OR11H4: variants seen among roughly 807,000 people sequenced by gnomAD.
OR11H4 encodes the protein olfactory receptor family 11 subfamily H member 4, also known as olfactory receptor 11H4.
For missense variants in OR11H4, 460 were observed against 371.1 expected, an observed-to-expected ratio of 1.24 and a Z score of -1.97; for synonymous variants, 162 against 142.3, an observed-to-expected ratio of 1.14 and a Z score of -0.98.
rs1270254882 is a variant in OR11H4, at chr14:20,243,768, C to T, written c.*2C>T. 8 of 1,566,582 alleles carry T rather than the reference C, an allele frequency of 5.1e-6. No individual in the cohort carries two copies. Among genetic ancestry groups the T allele is most frequent in the Non-Finnish European group, 6.9e-6 (8 of 1,157,632 alleles). On this transcript the variant is annotated 3_prime_UTR_variant, in exon 2 of 2. Coordinates refer to ENST00000641082, the MANE Select transcript of OR11H4 (RefSeq NM_001004479.2). ...ATGAGAATTCGTCAAAATTCGTGAG[C>T]CAAAGATGTGCCATACTTACAAGTT...
At chr14:20,239,863 G>A (rs1276861166) in intron 1 of OR11H4, among the ~76,000 whole-genome samples, 1 of 152,052 alleles carries the variant, frequency 6.6e-6, no homozygotes, top group Non-Finnish European at 1.5e-5. Flanking sequence ...TTTGGAGGGT[G>A]GTGTTATATA....
rs1880998542 is a variant in OR11H4 at position 20,243,760 on chromosome 14, T to C, written c.939T>C (p.Asn313=). The change falls in exon 2 of 2, where the codon AAT becomes AAC. Residue 313 remains asparagine (N), a synonymous_variant. Transcript: ENST00000641082. Reference sequence around the variant, plus strand: ...TGTTTGGAATGAGAATTCGTCAAAATTCGTGAGCCAAAGATGTGCCATACT... The same window carrying C: ...TGTTTGGAATGAGAATTCGTCAAAACTCGTGAGCCAAAGATGTGCCATACT... ...NVLFGMRIRQ[N]S 1 of 1,572,152 alleles carries C rather than the reference T, an allele frequency of 6.4e-7. No homozygotes were observed. Among genetic ancestry groups the C allele is most frequent in the African/African-American group, 1.4e-5 (1 of 73,476 alleles).
rs1168675619 is a variant in OR11H4 at position 20,240,621 on chromosome 14, A to G, written c.-12+1290A>G. On this transcript the variant is annotated intron_variant, in intron 1 of 1. Transcript: ENST00000641082. Reference sequence around the variant, plus strand: ...GAGGTGGAGTCTCGCTCTGTCACCCAGGCTGGAGTGCAATGGTGTGATCTC... The same window carrying G: ...GAGGTGGAGTCTCGCTCTGTCACCCGGGCTGGAGTGCAATGGTGTGATCTC... 3.4e-5 allele frequency among the ~76,000 whole-genome samples: 5 copies of G among 146,676 alleles called. No homozygotes were observed. In the South Asian group the frequency reaches 6.5e-4, roughly 19 times the overall value.
Position 20,243,002 on chromosome 14 carries a change from T to C in OR11H4, c.181T>C (p.Phe61Leu), listed in dbSNP as rs1483199124. 1 of 1,614,028 alleles carries C rather than the reference T, an allele frequency of 6.2e-7. No individual in the cohort carries two copies. The highest frequency in any genetic ancestry group is 8.5e-7 in the Non-Finnish European group (1 of 1,180,042). The change falls in exon 2 of 2, where the codon TTT becomes CTT. Residue 61 changes from phenylalanine to leucine, a missense_variant. By Grantham distance (22) the Phe-to-Leu change is conservative (BLOSUM62 0). Coordinates refer to ENST00000641082, the MANE Select transcript of OR11H4 (RefSeq NM_001004479.2). ...CNPLLHTPMYFLLGNFAFLEI... is the reference protein window; with the variant it reads ...CNPLLHTPMYLLLGNFAFLEI... ...CCCACTACTACACACCCCCATGTAC[T>C]TTCTGCTGGGAAATTTTGCCTTCCT...
chr14:20,242,898 T>C lies in OR11H4; in HGVS notation c.77T>C (p.Phe26Ser). 1 of 1,614,160 alleles carries C rather than the reference T, an allele frequency of 6.2e-7. No individual in the cohort carries two copies. Among genetic ancestry groups the C allele is most frequent in the South Asian group, 1.1e-5 (1 of 91,070 alleles). ...CCTGGTTGCTGGAAGATTCAGATTT[T>C]CCTCTTCTCATTGTTTTTGGTGATT... ...GFPGCWKIQI[F>S]LFSLFLVIYV... Residue 26 changes from phenylalanine to serine, a missense_variant, in exon 2 of 2, where the codon TTC (phenylalanine) becomes TCC (serine). By Grantham distance (155) the Phe-to-Ser change is radical (BLOSUM62 -2). Transcript: ENST00000641082.
chr14:20,242,751 C>A, intron 1 of OR11H4, 60 bp from the exon 2 acceptor site: 2 of 1,565,302 alleles, frequency 1.3e-6, no homozygotes, highest in Non-Finnish European at 1.7e-6. Flanking sequence ...AGATACGTAG[C>A]AAGCAATTGG....
intron 1 of OR11H4, among the ~76,000 whole-genome samples, chr14:20,240,501 A>T (rs1002980257): frequency 5.3e-5 from 8 of 152,058 alleles, no homozygotes; most frequent in African/African-American, 1.9e-4. Flanking sequence ...CATTTCTGAC[A>T]AAGTTATGAC....
intron 1 of OR11H4, among the ~76,000 whole-genome samples, chr14:20,240,849 T>G (rs1566370255): frequency 6.6e-6 from 1 of 152,136 alleles, no homozygotes; most frequent in Admixed American, 6.5e-5. Flanking sequence ...TTGCTGGAAC[T>G]ATAGGCATAA....
rs138285513 is a variant in OR11H4, at chr14:20,243,074, A to G, written c.253A>G (p.Ile85Val). The G allele has an allele frequency of 6.8e-6, 11 of 1,614,000 alleles. No homozygotes were observed. Among genetic ancestry groups the G allele is most frequent in the Non-Finnish European group, 9.3e-6 (11 of 1,180,032 alleles). Reference protein sequence around the residue: ...SSTIPNMLVNILSKTKAISFS... With the variant: ...SSTIPNMLVNVLSKTKAISFS... ...CACTATTCCTAACATGCTAGTCAACATTCTCTCCAAGACCAAGGCCATCTC... is the reference window on the plus strand; with the variant it reads ...CACTATTCCTAACATGCTAGTCAACGTTCTCTCCAAGACCAAGGCCATCTC... The change falls in exon 2 of 2, where the codon ATT (isoleucine) becomes GTT (valine). Residue 85 changes from isoleucine (I) to valine (V), a missense_variant. Physicochemically the swap from Ile to Val is conservative, Grantham distance 29. Transcript: ENST00000641082.
In OR11H4 at chr14:20,243,871, A is replaced by G; in HGVS notation, c.*105A>G. The G allele has an allele frequency of 1.7e-6, 2 of 1,159,306 alleles. No individual in the cohort carries two copies. The highest frequency in any genetic ancestry group is 3.1e-5 in the African/African-American group (2 of 65,004). 71.8% of individuals were successfully genotyped at this position (1,159,306 alleles called of 1,614,324 possible). ...CTCAGTCTGAGTAGTTAGAGGTTGT[A>G]TATTTTACCTGGAAGTGTGCCCAGC... On this transcript the variant is annotated 3_prime_UTR_variant, in exon 2 of 2. Coordinates refer to ENST00000641082, the MANE Select transcript of OR11H4 (RefSeq NM_001004479.2).
Position 20,242,795 on chromosome 14 carries a change from T to A in OR11H4, c.-11-16T>A. 6.2e-7 allele frequency: 1 copy of A among 1,610,456 alleles called. No individual in the cohort carries two copies. Among genetic ancestry groups the A allele is most frequent in the South Asian group, 1.1e-5 (1 of 90,394 alleles). On this transcript the variant is annotated splice_polypyrimidine_tract_variant and intron_variant, in intron 1 of 1. Transcript: ENST00000641082. Reference sequence around the variant, plus strand: ...CCAAGAGACTTGGATTACACTCATGTCTTTCTTCTTTGTAGACTTAAGACC... The same window carrying A: ...CCAAGAGACTTGGATTACACTCATGACTTTCTTCTTTGTAGACTTAAGACC...
Position 20,243,580 on chromosome 14 carries a change from G to C in OR11H4, c.759G>C (p.Gly253=). ...SHLVVVSLFY[G]TVMVMYVSPT... is the part of the protein sequence containing the mutation. ...TGGTTGTGGTATCTCTTTTCTATGG[G>C]ACAGTCATGGTAATGTATGTAAGTC... Residue 253 remains glycine, a synonymous_variant, in exon 2 of 2, where the codon GGG becomes GGC. Transcript: ENST00000641082. The C allele has an allele frequency of 6.2e-7, 1 of 1,613,734 alleles. No individual in the cohort carries two copies. Among genetic ancestry groups the C allele is most frequent in the Non-Finnish European group, 8.5e-7 (1 of 1,179,846 alleles).
rs149944451 is a variant in OR11H4, at chr14:20,242,737, C to A, written c.-11-74C>A. The A allele has an allele frequency of 5.4e-3, 8,355 of 1,538,618 alleles. 71 individuals are homozygous for A. Among genetic ancestry groups the A allele is most frequent in the South Asian group, 0.027 (2,125 of 79,794 alleles). On this transcript the variant is annotated intron_variant, in intron 1 of 1. Coordinates refer to ENST00000641082, the MANE Select transcript of OR11H4 (RefSeq NM_001004479.2). The stretch of plus-strand genomic sequence containing the variant: ...CTCAAGTTCTCGTCTCAGTAAAATC[C>A]TTGAGATACGTAGCAAGCAATTGGA...
intron 1 of OR11H4, among the ~76,000 whole-genome samples, chr14:20,242,262 C>T (rs1880949676): frequency 1.3e-5 from 2 of 152,136 alleles, no homozygotes; most frequent in African/African-American, 4.8e-5. Context: ...CAGCTTTCCA[C>T]AGTGCATTGT....
rs779133234 is a variant in OR11H4 at position 20,243,127 on chromosome 14, T to A, written c.306T>A (p.Tyr102Ter). 1 of 1,614,168 alleles carries A rather than the reference T, an allele frequency of 6.2e-7. No homozygotes were observed. Among genetic ancestry groups the A allele is most frequent in the African/African-American group, 1.3e-5 (1 of 75,028 alleles). ...ISFSGCFLQFYFFFSLGTTEC... is the reference protein window; with the variant it reads ...ISFSGCFLQF The stretch of plus-strand genomic sequence containing the variant: ...TTTCTGGGTGCTTCCTCCAGTTCTA[T>A]TTCTTCTTTTCACTGGGAACAACTG... Residue 102 changes from tyrosine (Y) to a stop codon, truncating the protein, a stop_gained, in exon 2 of 2, where the codon TAT becomes TAA. Coordinates refer to ENST00000641082, the MANE Select transcript of OR11H4 (RefSeq NM_001004479.2). LOFTEE classifies it low-confidence loss of function (END_TRUNC).
At chr14:20,239,784 G>T (rs1880876922) in intron 1 of OR11H4, among the ~76,000 whole-genome samples, 1 of 152,084 alleles carries the variant, frequency 6.6e-6, no homozygotes, top group South Asian at 2.1e-4. Context: ...GAAACAGTAT[G>T]TTTGTGTCAT....
chr14:20,243,811 CG>C lies in OR11H4; in HGVS notation c.*46del. ...TACAAGTTCTAACGAAGAACAAGGT[CG>C]AGATGTTGTCAGTTCTTTAGCAGTC... On this transcript the variant is annotated 3_prime_UTR_variant, in exon 2 of 2. Coordinates refer to ENST00000641082, the MANE Select transcript of OR11H4 (RefSeq NM_001004479.2). The C allele has an allele frequency of 6.6e-7, 1 of 1,524,654 alleles. No individual in the cohort carries two copies. Among genetic ancestry groups the C allele is most frequent in the Non-Finnish European group, 8.8e-7 (1 of 1,137,780 alleles). The allele number at this position is 1,524,654 out of a possible 1,614,324, so 94.4% of individuals were successfully genotyped here.
intron 1 of OR11H4, among the ~76,000 whole-genome samples, chr14:20,241,136 C>T (rs554406315): frequency 7.9e-5 from 12 of 152,022 alleles, no homozygotes; most frequent in South Asian, 6.2e-4. Context: ...TTTTCACCAC[C>T]GAAAAAGCTC....
intron 1 of OR11H4, 194 bp from the exon 2 acceptor site, chr14:20,242,617 C>T (rs1471711201): frequency 6.4e-6 from 4 of 622,644 alleles, no homozygotes; most frequent in Admixed American, 2.9e-5. Flanking sequence ...GCATTGGATT[C>T]TAGCAAAATA....
Sources: allele counts gnomAD v4.1 joint callset (sites outside exome capture counted in the v4.1 genomes callset), GRCh38; gene constraint gnomAD v4.1.1; transcripts MANE v1.5; gene names NCBI Gene and HGNC (gene_info 2026-07-23, HGNC 2026-07-21).